The following PTPRJ variants were observed in gnomAD, a reference collection of about 807,000 sequenced individuals.
PTPRJ encodes the protein receptor-type tyrosine-protein phosphatase eta.
Under a neutral mutation model 141.3 loss-of-function variants are expected in PTPRJ, and 129 were observed. The ratio of observed to expected loss-of-function variants is 0.91; its 90% CI spans 0.79 to 1.06. PTPRJ has a LOEUF of 1.06. Ranked by LOEUF, PTPRJ falls within the 50% of genes least tolerant of loss-of-function variation. The pLI, the probability that PTPRJ is intolerant of heterozygous loss-of-function variation, is 0.00. For synonymous variants in PTPRJ, 610 were observed against 640.5 expected, an observed-to-expected ratio of 0.95 and a Z score of 0.72; for missense variants, 1,601 against 1,679.7, an observed-to-expected ratio of 0.95 and a Z score of 0.82.
chr11:48,072,848 A>G (rs1855297870), intron 1 of PTPRJ, among the ~76,000 whole-genome samples: 3 of 152,354 alleles, frequency 2.0e-5, no homozygotes, highest in Admixed American at 6.5e-5. Context: ...CCATAAAACA[A>G]TGAAGCCCAT....
At chr11:48,066,589 A>ATTG (rs1157608673) in intron 1 of PTPRJ, among the ~76,000 whole-genome samples, 14 of 136,868 alleles carry the variant, frequency 1.0e-4, no homozygotes, top group African/African-American at 4.0e-4. Context: ...TATTATTATT[A>ATTG]TTATTATTAT....
At chr11:47,993,686 C>T (rs912086296) in intron 1 of PTPRJ, among the ~76,000 whole-genome samples, 4 of 152,254 alleles carry the variant, frequency 2.6e-5, no homozygotes, top group African/African-American at 7.2e-5. Flanking sequence ...CAGCTCAGCC[C>T]TGCCTGACCT....
intron 5 of PTPRJ, 46 bp from the exon 6 acceptor site, chr11:48,124,922 G>A (rs1565315018): frequency 6.3e-7 from 1 of 1,586,818 alleles, no homozygotes; most frequent in Non-Finnish European, 8.6e-7. Context: ...TGGGGGATGT[G>A]TCCCTCTTGT....
chr11:48,079,578 C>G (rs1285002073), intron 1 of PTPRJ, among the ~76,000 whole-genome samples: 1 of 152,012 alleles, frequency 6.6e-6, no homozygotes, highest in Non-Finnish European at 1.5e-5. Context: ...AGGCCCACAC[C>G]TAACTCTGAG....
At chr11:48,028,634 T>C (rs1018774640) in intron 1 of PTPRJ, among the ~76,000 whole-genome samples, 5 of 152,096 alleles carry the variant, frequency 3.3e-5, no homozygotes, top group Non-Finnish European at 1.5e-5. Context: ...CTACTAAAAA[T>C]ACAAAAATTA....
intron 1 of PTPRJ, among the ~76,000 whole-genome samples, chr11:48,053,309 T>A (rs1399519398): frequency 4.4e-5 from 4 of 90,444 alleles, no homozygotes; most frequent in African/African-American, 9.2e-5. Context: ...AATATATAAA[T>A]ATATAATATA....
chr11:47,980,728 C>T lies in PTPRJ; in HGVS notation c.-185C>T. 7 of 1,003,420 alleles carry T rather than the reference C, an allele frequency of 7.0e-6. No homozygotes were observed. Among genetic ancestry groups the T allele is most frequent in the Non-Finnish European group, 8.3e-6 (7 of 843,810 alleles). The allele number at this position is 1,003,420 out of a possible 1,614,324, so 62.2% of individuals were successfully genotyped here. A position where few individuals can be genotyped will look rare whatever the true frequency, so the allele number is the denominator to read the frequency against. On this transcript the variant is annotated 5_prime_UTR_variant, in exon 1 of 25. Transcript: ENST00000418331. ...CGCGCTAGGCTCCGGCGTGTGGCCGCGGCCGCCGCCGCCGCTGCCATGTCT... is the reference window on the plus strand; with the variant it reads ...CGCGCTAGGCTCCGGCGTGTGGCCGTGGCCGCCGCCGCCGCTGCCATGTCT...
At chr11:48,098,946 A>G (rs1369033240) in intron 1 of PTPRJ, among the ~76,000 whole-genome samples, 2 of 152,238 alleles carry the variant, frequency 1.3e-5, no homozygotes, top group Non-Finnish European at 2.9e-5. Context: ...AAATCTAGAA[A>G]CAATGATAGT....
chr11:48,013,830 GA>G (rs2134204517), intron 1 of PTPRJ, among the ~76,000 whole-genome samples: 1 of 152,302 alleles, frequency 6.6e-6, no homozygotes, highest in East Asian at 1.9e-4. Context: ...CCACTTCAAA[GA>G]AAGTGCTGCC....
At chr11:48,120,948 C>T in intron 3 of PTPRJ, 55 bp from the exon 4 acceptor site, 3 of 1,453,428 alleles carry the variant, frequency 2.1e-6, no homozygotes, top group Non-Finnish European at 2.8e-6. Context: ...GCAGACCTCA[C>T]TCTTACATTT....
rs370000406 is a variant in PTPRJ, at chr11:48,144,879, C to T, written c.2780C>T (p.Ser927Phe). Residue 927 changes from serine to phenylalanine, a missense_variant, in exon 13 of 25, where the codon TCC (serine) becomes TTC (phenylalanine). Physicochemically the swap from Ser to Phe is radical, Grantham distance 155 (BLOSUM62 -2). Coordinates refer to ENST00000418331, the MANE Select transcript of PTPRJ (RefSeq NM_002843.4). ...YYNGKLEPLG[S>F]YRACVAGFTN... ...AATGGGAAGCTGGAACCTCTGGGCT[C>T]CTACCGGTAATGTCTTCTGGTTCTT... is the stretch of plus-strand genomic sequence containing the variant. The T allele has an allele frequency of 6.2e-6, 10 of 1,614,062 alleles. No individual in the cohort carries two copies. The highest frequency in any genetic ancestry group is 4.4e-5 in the South Asian group (4 of 91,082).
chr11:48,027,978 C>A (rs1853869968), intron 1 of PTPRJ, among the ~76,000 whole-genome samples: 1 of 151,694 alleles, frequency 6.6e-6, no homozygotes, highest in East Asian at 1.9e-4. Flanking sequence ...CTTCCAGGGT[C>A]CAGGCAGTGA....
intron 1 of PTPRJ, among the ~76,000 whole-genome samples, chr11:48,019,467 C>G (rs1418848785): frequency 6.6e-6 from 1 of 152,002 alleles, no homozygotes; most frequent in Non-Finnish European, 1.5e-5. Flanking sequence ...CCTGTGTTGC[C>G]TGTTCAGCAA....
chr11:48,060,682 A>AG (rs1048187107), intron 1 of PTPRJ, among the ~76,000 whole-genome samples: 1 of 152,242 alleles, frequency 6.6e-6, no homozygotes, highest in African/African-American at 2.4e-5. Flanking sequence ...GAGATTGATT[A>AG]GGGGATCTGC....
rs1238979145 is a variant in PTPRJ at position 48,136,090 on chromosome 11, T to C, written c.1667T>C (p.Met556Thr). 2.5e-6 allele frequency: 4 copies of C among 1,614,000 alleles called. No individual in the cohort carries two copies. Among genetic ancestry groups the C allele is most frequent in the Admixed American group, 3.3e-5 (2 of 60,006 alleles). ...IHVVYVTTTE[M>T]WLDWKSPDGA... is the part of the protein sequence containing the mutation. ...GTGGTCTACGTCACCACCACGGAGA[T>C]GTGGCTGGACTGGAAGAGCCCTGAC... is the stretch of plus-strand genomic sequence containing the variant. The change falls in exon 9 of 25, where the codon ATG (methionine) becomes ACG (threonine). Residue 556 changes from methionine (M) to threonine (T), a missense_variant. By Grantham distance (81) the Met-to-Thr change is moderately conservative. Transcript: ENST00000418331.
At position 48,098,666 on chromosome 11, in the gene PTPRJ, A is replaced by G. The variant is rs533909894; in HGVS notation, c.97-11392A>G. ...CTCCTGTGTAGCTGGGACTACAGGC[A>G]CGCGCCACCATGCCCGGCTAATTTT... On this transcript the variant is annotated intron_variant, in intron 1 of 24. Coordinates refer to ENST00000418331, the MANE Select transcript of PTPRJ (RefSeq NM_002843.4). Among the ~76,000 whole-genome samples, 450 of 60,564 alleles carry G rather than the reference A, an allele frequency of 7.4e-3. 120 individuals are homozygous for G. Among genetic ancestry groups the G allele is most frequent in the African/African-American group, 0.017 (436 of 26,348 alleles). The allele number at this position is 60,564 out of a possible 152,430, so 39.7% of individuals were successfully genotyped here.
At chr11:48,017,620 T>C (rs967146365) in intron 1 of PTPRJ, among the ~76,000 whole-genome samples, 2 of 152,182 alleles carry the variant, frequency 1.3e-5, no homozygotes, top group Non-Finnish European at 2.9e-5. Flanking sequence ...CTAGCCACAC[T>C]GAACAAGCCA....
chr11:48,082,045 T>G (rs1375041873), intron 1 of PTPRJ, among the ~76,000 whole-genome samples: 1 of 152,154 alleles, frequency 6.6e-6, no homozygotes, highest in Admixed American at 6.6e-5. Flanking sequence ...CTGGGCTGGG[T>G]GCAGAGTAGT....
At chr11:48,131,711 G>C in intron 8 of PTPRJ, 2 of 513,464 alleles carry the variant, frequency 3.9e-6, no homozygotes, top group Non-Finnish European at 6.9e-6. Context: ...CGTGTGGCTT[G>C]TGAAGCCTGA....
Sources: allele counts gnomAD v4.1 joint callset (sites outside exome capture counted in the v4.1 genomes callset), GRCh38; gene constraint gnomAD v4.1.1; transcripts MANE v1.5; gene names NCBI Gene and HGNC (gene_info 2026-07-23, HGNC 2026-07-21).